SORCS3: variants seen among roughly 807,000 people sequenced by gnomAD.
SORCS3 encodes sortilin related VPS10 domain containing receptor 3.
SORCS3 carries 57 observed loss-of-function variants against 146.3 expected under a neutral mutation model. That is an observed-to-expected ratio of 0.39 (90% CI 0.31 to 0.49). The LOEUF (loss-of-function observed/expected upper bound fraction) is 0.49, where lower values mean the gene tolerates loss of function less well. Ranked by LOEUF, SORCS3 falls within the 20% of genes least tolerant of loss-of-function variation. The probability of loss-of-function intolerance (pLI) is 0.92; values close to 1 mark genes in which losing one functional copy is unlikely to be tolerated. For synonymous variants in SORCS3, 653 were observed against 618.5 expected, an observed-to-expected ratio of 1.06 and a Z score of -0.83; for missense variants, 1,341 against 1,575.5, an observed-to-expected ratio of 0.85 and a Z score of 2.52.
intron 2 of SORCS3, among the ~76,000 whole-genome samples, chr10:104,905,456 T>A (rs2018895785): frequency 6.6e-6 from 1 of 152,196 alleles, no homozygotes; most frequent in Non-Finnish European, 1.5e-5. Context: ...TGCTTTGCTA[T>A]TAGTTTCTCA....
At chr10:105,200,267 C>T in intron 15 of SORCS3, 151 bp downstream of exon 15, 1 of 631,014 alleles carries the variant, frequency 1.6e-6, no homozygotes. Flanking sequence ...GGGTGAAACA[C>T]ACTCAGGTCC....
intron 9 of SORCS3, among the ~76,000 whole-genome samples, chr10:105,152,798 T>A (rs2056176890): frequency 6.6e-6 from 1 of 152,222 alleles, no homozygotes; most frequent in Non-Finnish European, 1.5e-5. Context: ...TCTCTCACAA[T>A]ATCACATTCT....
At chr10:105,028,005 G>C (rs790663) in intron 4 of SORCS3, among the ~76,000 whole-genome samples, 9 of 152,072 alleles carry the variant, frequency 5.9e-5, no homozygotes, top group South Asian at 4.1e-4. Context: ...CCAGAGACAC[G>C]TAGATACTTA....
At chr10:104,929,661 C>A (rs2019187100) in intron 3 of SORCS3, among the ~76,000 whole-genome samples, 1 of 152,190 alleles carries the variant, frequency 6.6e-6, no homozygotes, top group African/African-American at 2.4e-5. Context: ...CCCCTGGGGA[C>A]ACAGGCTCTA....
chr10:104,849,893 A>T (rs1447787996), intron 2 of SORCS3, among the ~76,000 whole-genome samples: 1 of 152,186 alleles, frequency 6.6e-6, no homozygotes, highest in African/African-American at 2.4e-5. Context: ...TTGAGAGAGA[A>T]TATTCCTGTC....
At chr10:104,882,952 A>T (rs768470056) in intron 2 of SORCS3, among the ~76,000 whole-genome samples, 3 of 152,240 alleles carry the variant, frequency 2.0e-5, no homozygotes, top group Non-Finnish European at 4.4e-5. Flanking sequence ...GGAAGAAATC[A>T]TTCTGCTTTC....
chr10:105,077,273 T>A (rs991354063), intron 5 of SORCS3, among the ~76,000 whole-genome samples: 1 of 152,194 alleles, frequency 6.6e-6, no homozygotes, highest in African/African-American at 2.4e-5. Flanking sequence ...TATTCCAGTC[T>A]CTTCTATTTT....
At chr10:104,991,400 G>A (rs1235262696) in intron 4 of SORCS3, among the ~76,000 whole-genome samples, 1 of 151,898 alleles carries the variant, frequency 6.6e-6, no homozygotes, top group Non-Finnish European at 1.5e-5. Flanking sequence ...CTTGAGCATG[G>A]CCAGCTTCTC....
Position 104,940,223 on chromosome 10 carries a change from TA to T in SORCS3, c.795+24292del, listed in dbSNP as rs1564717827. Among the ~76,000 whole-genome samples the T allele has an allele frequency of 6.2e-4, 10 of 16,040 alleles. No homozygotes were observed. The East Asian group carries it at 6.4e-3, about 10-fold the overall frequency. 10.5% of individuals were successfully genotyped at this position (16,040 alleles called of 152,430 possible). On this transcript the variant is annotated intron_variant, in intron 3 of 26. Coordinates refer to ENST00000369701, the MANE Select transcript of SORCS3 (RefSeq NM_014978.3). ...TTTCTTTTATATATATATATATATA[TA>T]TATATATATATATATTTTTTTTTTT...
At chr10:104,839,001 G>A (rs1161201557) in intron 1 of SORCS3, among the ~76,000 whole-genome samples, 1 of 152,078 alleles carries the variant, frequency 6.6e-6, no homozygotes, top group Non-Finnish European at 1.5e-5. Flanking sequence ...CCCTTTCTGG[G>A]GCTCCATTTT....
intron 1 of SORCS3, among the ~76,000 whole-genome samples, chr10:104,755,778 G>A (rs756747843): frequency 2.6e-5 from 4 of 152,176 alleles, no homozygotes; most frequent in African/African-American, 4.8e-5. Flanking sequence ...TTCATTTGAT[G>A]ATGTAGAATA....
intron 1 of SORCS3, among the ~76,000 whole-genome samples, chr10:104,685,668 A>G (rs2016035571): frequency 6.6e-6 from 1 of 152,166 alleles, no homozygotes; most frequent in Non-Finnish European, 1.5e-5. Flanking sequence ...AAACTTACAT[A>G]TGCTTGGAAA....
At chr10:105,245,703 C>T (rs1173377424) in intron 21 of SORCS3, 38 bp downstream of exon 21, 10 of 1,603,846 alleles carry the variant, frequency 6.2e-6, no homozygotes, top group Non-Finnish European at 8.5e-6. Context: ...CTCCTTCCCG[C>T]TCAGTTAATC....
chr10:104,871,045 G>C (rs2018513998), intron 2 of SORCS3, among the ~76,000 whole-genome samples: 2 of 152,174 alleles, frequency 1.3e-5, no homozygotes, highest in Non-Finnish European at 2.9e-5. Context: ...ATGACCCTCT[G>C]TGCTTCAGGA....
intron 1 of SORCS3, among the ~76,000 whole-genome samples, chr10:104,708,348 A>T (rs564015350): frequency 4.6e-5 from 7 of 152,312 alleles, no homozygotes; most frequent in Admixed American, 6.5e-5. Flanking sequence ...ATGGCACTGC[A>T]TGCCACCACA....
intron 14 of SORCS3, 63 bp from the exon 15 acceptor site, chr10:105,199,936 C>T: frequency 8.6e-7 from 1 of 1,161,624 alleles, no homozygotes. Flanking sequence ...AGTTTCTGTG[C>T]ATTAGTGACT....
chr10:105,072,191 A>G (rs2055560867), intron 5 of SORCS3, among the ~76,000 whole-genome samples: 1 of 152,164 alleles, frequency 6.6e-6, no homozygotes, highest in African/African-American at 2.4e-5. Context: ...CGGACTTTAT[A>G]TAAGCGGGTC....
intron 4 of SORCS3, among the ~76,000 whole-genome samples, chr10:105,027,924 A>G (rs2055241706): frequency 6.6e-6 from 1 of 152,194 alleles, no homozygotes; most frequent in African/African-American, 2.4e-5. Flanking sequence ...TATGTATTTA[A>G]AACGTTATCT....
At chr10:104,919,388 G>A (rs999508355) in intron 3 of SORCS3, among the ~76,000 whole-genome samples, 6 of 151,306 alleles carry the variant, frequency 4.0e-5, no homozygotes, top group African/African-American at 1.5e-4. Flanking sequence ...TTAGAAAATA[G>A]CAATAGAAAT....
Sources: allele counts gnomAD v4.1 joint callset (sites outside exome capture counted in the v4.1 genomes callset), GRCh38; gene constraint gnomAD v4.1.1; transcripts MANE v1.5; gene names NCBI Gene and HGNC (gene_info 2026-07-23, HGNC 2026-07-21).